Variants in SPDL1 observed in about 807,000 individuals in gnomAD.
SPDL1 encodes the protein spindle apparatus coiled-coil protein 1, also known as protein Spindly.
A neutral mutation model predicts 79.5 loss-of-function variants in SPDL1; 85 were observed. The ratio of observed to expected loss-of-function variants is 1.07; its 90% CI spans 0.90 to 1.28. The LOEUF (loss-of-function observed/expected upper bound fraction) is 1.28, where lower values mean the gene tolerates loss of function less well. Ranked by LOEUF, SPDL1 falls within the 50% of genes most tolerant of loss-of-function variation. The pLI, the probability that SPDL1 is intolerant of heterozygous loss-of-function variation, is 0.00. For synonymous variants in SPDL1, 269 were observed against 240.3 expected, an observed-to-expected ratio of 1.12 and a Z score of -1.10; for missense variants, 703 against 697.8, an observed-to-expected ratio of 1.01 and a Z score of -0.08.
chr5:169,600,540 A>T lies in SPDL1; in HGVS notation c.1325-740A>T, dbSNP rs149792833. The stretch of plus-strand genomic sequence containing the variant: ...CCAGTGTTCCTCAGACTCCACTAAC[A>T]TTTTGATTTTGAAAATGAAACACAT... On this transcript the variant is annotated intron_variant, in intron 10 of 11. Transcript: ENST00000265295. Among the ~76,000 whole-genome samples, 781 of 152,302 alleles carry T rather than the reference A, an allele frequency of 5.1e-3. 6 individuals are homozygous for T. The highest frequency in any genetic ancestry group is 0.017 in the African/African-American group (713 of 41,562).
chr5:169,596,499 A>G (rs906342095), intron 7 of SPDL1, 62 bp from the exon 8 acceptor site: 57 of 1,378,902 alleles, frequency 4.1e-5, no homozygotes, highest in Non-Finnish European at 5.6e-5. Flanking sequence ...GTATCAAAAA[A>G]GTAGTTATCA....
chr5:169,599,316 A>T (rs191671042), intron 10 of SPDL1, among the ~76,000 whole-genome samples, 157 bp downstream of exon 10: 51 of 152,344 alleles, frequency 3.3e-4, no homozygotes, highest in Non-Finnish European at 5.9e-4. Context: ...TAAAATAGGT[A>T]GGAAAATTCA....
In SPDL1 at chr5:169,594,476, A is replaced by G; in HGVS notation, c.764A>G (p.Asn255Ser). 1 of 1,613,924 alleles carries G rather than the reference A, an allele frequency of 6.2e-7. No homozygotes were observed. Among genetic ancestry groups the G allele is most frequent in the Non-Finnish European group, 8.5e-7 (1 of 1,179,842 alleles). Residue 255 changes from asparagine (N) to serine (S), a missense_variant, in exon 6 of 12, where the codon AAC (asparagine) becomes AGC (serine). Asn to Ser is a conservative substitution (Grantham distance 46, BLOSUM62 1). Transcript: ENST00000265295. ...GCCTTGGATCCCAATAGTAAAGGCA[A>G]CTCTTTGTTTGCAGAGGTACTTATA... ...QQALDPNSKG[N>S]SLFAEVEDRR...
Position 169,593,507 on chromosome 5 carries a change from C to T in SPDL1, c.490C>T (p.Leu164=). ...GCAGGAAAGCATGTCTTCAGAGATG[C>T]TGGCTCTTCAAATTGAGCTGACAGA... ...RVQESMSSEM[L]ALQIELTEME... Residue 164 remains leucine (L), a synonymous_variant, in exon 4 of 12, where the codon CTG becomes TTG. Coordinates refer to ENST00000265295, the MANE Select transcript of SPDL1 (RefSeq NM_017785.5). 1 of 1,612,314 alleles carries T rather than the reference C, an allele frequency of 6.2e-7. No homozygotes were observed. The highest frequency in any genetic ancestry group is 8.5e-7 in the Non-Finnish European group (1 of 1,179,394).
At chr5:169,591,627 C>A (rs1003381689) in intron 3 of SPDL1, among the ~76,000 whole-genome samples, 1 of 152,172 alleles carries the variant, frequency 6.6e-6, no homozygotes. Context: ...TTACAAATGA[C>A]ACTTTATAGT....
chr5:169,590,924 T>C (rs1400027006), intron 2 of SPDL1, 124 bp from the exon 3 acceptor site: 1 of 865,250 alleles, frequency 1.2e-6, no homozygotes, highest in Non-Finnish European at 1.9e-6. Context: ...TTAACATGTC[T>C]TCGTTATTTG....
intron 4 of SPDL1, 76 bp from the exon 5 acceptor site, chr5:169,594,069 A>G (rs889785752): frequency 2.9e-5 from 37 of 1,263,028 alleles, no homozygotes; most frequent in Non-Finnish European, 4.1e-5. Flanking sequence ...GTGAACCACA[A>G]CTGAGATAAA....
In SPDL1 at chr5:169,601,636, T is replaced by A; in HGVS notation, c.1670+11T>A. On this transcript the variant is annotated intron_variant, in intron 11 of 11. Transcript: ENST00000265295. Reference sequence around the variant, plus strand: ...CCCTAACTCTCCCAGGTCAGTGTCCTCTTTTCCTCCAGGCAGCCAGCAGAC... The same window carrying A: ...CCCTAACTCTCCCAGGTCAGTGTCCACTTTTCCTCCAGGCAGCCAGCAGAC... 1 of 1,612,446 alleles carries A rather than the reference T, an allele frequency of 6.2e-7. No individual in the cohort carries two copies. Among genetic ancestry groups the A allele is most frequent in the Non-Finnish European group, 8.5e-7 (1 of 1,178,844 alleles).
intron 8 of SPDL1, among the ~76,000 whole-genome samples, chr5:169,597,710 T>G (rs907348284): frequency 1.3e-5 from 2 of 152,170 alleles, no homozygotes; most frequent in Non-Finnish European, 2.9e-5. Flanking sequence ...AATGACAAAT[T>G]TTTGTAAATG....
At position 169,601,584 on chromosome 5, in the gene SPDL1, G is replaced by C. The variant is rs1456601056; in HGVS notation, c.1629G>C (p.Glu543Asp). Reference sequence around the variant, plus strand: ...TCATAGGAGTTCCCGCTGACGCTGAGGCCTTAAGTGAAAGAAGTGGAAACA... The same window carrying C: ...TCATAGGAGTTCCCGCTGACGCTGACGCCTTAAGTGAAAGAAGTGGAAACA... The part of the protein sequence containing the change: ...VKLIGVPADA[E>D]ALSERSGNTP... Residue 543 changes from glutamate to aspartate, a missense_variant, in exon 11 of 12, where the codon GAG becomes GAC. By Grantham distance (45) the Glu-to-Asp change is conservative. Transcript: ENST00000265295. 6.2e-7 allele frequency: 1 copy of C among 1,614,150 alleles called. No individual in the cohort carries two copies. The highest frequency in any genetic ancestry group is 8.5e-7 in the Non-Finnish European group (1 of 1,180,040).
intron 3 of SPDL1, among the ~76,000 whole-genome samples, chr5:169,592,243 G>T (rs1177475233): frequency 1.7e-5 from 2 of 117,412 alleles, no homozygotes; most frequent in Non-Finnish European, 3.3e-5. Flanking sequence ...TTGAGGCAGA[G>T]TCTCACACTG....
intron 1 of SPDL1, among the ~76,000 whole-genome samples, chr5:169,586,590 T>C (rs1201675178): frequency 6.6e-6 from 1 of 152,244 alleles, no homozygotes; most frequent in Non-Finnish European, 1.5e-5. Flanking sequence ...AAAACATTAT[T>C]TACATCAGTG....
At chr5:169,586,185 C>T (rs1340375473) in intron 1 of SPDL1, 1 of 152,298 alleles carries the variant, frequency 6.6e-6, no homozygotes, top group African/African-American at 2.4e-5. Context: ...TAGGCTTTCA[C>T]CCCCACCTGG....
At chr5:169,585,611 TG>T (rs577694158) in intron 1 of SPDL1, among the ~76,000 whole-genome samples, 4 of 152,226 alleles carry the variant, frequency 2.6e-5, no homozygotes, top group Non-Finnish European at 4.4e-5. Flanking sequence ...CCTCAACGAA[TG>T]TAAGTTATTG....
rs1216326870 is a variant in SPDL1 at position 169,583,776 on chromosome 5, C to G, written c.-137C>G. ...CATTCAAATATCCCAGGCGCTTACTCGAGAGCTAGCTGAGCGAATGGGCCG... is the reference window on the plus strand; with the variant it reads ...CATTCAAATATCCCAGGCGCTTACTGGAGAGCTAGCTGAGCGAATGGGCCG... On this transcript the variant is annotated 5_prime_UTR_variant, in exon 1 of 12. Transcript: ENST00000265295. 2.6e-5 allele frequency: 4 copies of G among 152,236 alleles called. No individual in the cohort carries two copies. The highest frequency in any genetic ancestry group is 5.9e-5 in the Non-Finnish European group (4 of 68,040). The allele number at this position is 152,236 out of a possible 1,614,324, so 9.4% of individuals were successfully genotyped here.
chr5:169,598,613 CA>C, intron 9 of SPDL1, 34 bp downstream of exon 9: 1 of 1,495,446 alleles, frequency 6.7e-7, no homozygotes, highest in Non-Finnish European at 9.3e-7. Context: ...GAAAGATGAA[CA>C]TGTCACTTGC....
intron 1 of SPDL1, among the ~76,000 whole-genome samples, chr5:169,584,498 G>T (rs975048753): frequency 6.6e-6 from 1 of 152,156 alleles, no homozygotes; most frequent in Admixed American, 6.5e-5. Context: ...AACCGATTAG[G>T]TGGGTGTTAT....
intron 10 of SPDL1, 71 bp from the exon 11 acceptor site, chr5:169,601,209 C>A: frequency 7.2e-7 from 1 of 1,392,006 alleles, no homozygotes; most frequent in Non-Finnish European, 9.8e-7. Context: ...ATAACTAGTT[C>A]TGGCTTCTTG....
chr5:169,600,152 TCAA>T (rs1486606880), intron 10 of SPDL1, among the ~76,000 whole-genome samples: 5 of 152,224 alleles, frequency 3.3e-5, no homozygotes, highest in Admixed American at 3.3e-4. Flanking sequence ...TTAAGGATTC[TCAA>T]CAAGTTTTTG....
Sources: allele counts gnomAD v4.1 joint callset (sites outside exome capture counted in the v4.1 genomes callset), GRCh38; gene constraint gnomAD v4.1.1; transcripts MANE v1.5; gene names NCBI Gene and HGNC (gene_info 2026-07-23, HGNC 2026-07-21).